TSHZ3: variants seen among roughly 807,000 people sequenced by gnomAD.
TSHZ3 encodes the protein teashirt zinc finger homeobox 3, also known as teashirt homolog 3.
Under a neutral mutation model 64.5 loss-of-function variants are expected in TSHZ3, and 10 were observed. The ratio of observed to expected loss-of-function variants is 0.16; its 90% confidence interval spans 0.10 to 0.26. The LOEUF (loss-of-function observed/expected upper bound fraction) is 0.26, where lower values mean the gene tolerates loss of function less well. Among genes scored for constraint, TSHZ3 ranks in the 10% least tolerant of loss-of-function variants. The pLI, the probability that TSHZ3 is intolerant of heterozygous loss-of-function variation, is 1.00. For missense variants in TSHZ3, 1,242 were observed against 1,421.7 expected (o/e 0.87, Z 2.03); for synonymous variants, 608 against 593.1 (o/e 1.03, Z -0.36).
intron 1 of TSHZ3, among the ~76,000 whole-genome samples, chr19:31,333,909 T>C (rs1301315020): frequency 1.3e-5 from 2 of 152,196 alleles, no homozygotes; most frequent in Non-Finnish European, 2.9e-5. Flanking sequence ...ATGTTTTCCT[T>C]GCAGAAATGT....
At chr19:31,153,484 G>C (rs1974266422) in intron 6 of TSHZ3, among the ~76,000 whole-genome samples, 1 of 152,226 alleles carries the variant, frequency 6.6e-6, no homozygotes, top group African/African-American at 2.4e-5. Flanking sequence ...ATCAGATGGT[G>C]ATGTCTGATT....
chr19:31,246,339 A>G lies in TSHZ3; in HGVS notation n.64-3464T>C, dbSNP rs569887146. 1.2e-4 allele frequency among the ~76,000 whole-genome samples: 18 copies of G among 152,356 alleles called. 1 individual carries two copies. The South Asian group carries it at 3.7e-3, about 32-fold the overall frequency. On this transcript the variant is annotated intron_variant and non_coding_transcript_variant, in intron 1 of 6. Transcript: ENST00000651361. ...ACAATCTTTCTTACCTGTATTTAAA[A>G]TCATTTTTAAAAAGAATGTGTTCAT...
chr19:31,265,433 GA>G (rs1008821423), intron 1 of TSHZ3, among the ~76,000 whole-genome samples: 4 of 128,810 alleles, frequency 3.1e-5, no homozygotes, highest in African/African-American at 8.6e-5. Context: ...AAGAAAGAAA[GA>G]AAAAGAAAAG....
chr19:31,323,997 G>A (rs980397582), intron 1 of TSHZ3, among the ~76,000 whole-genome samples: 1 of 151,944 alleles, frequency 6.6e-6, no homozygotes, highest in African/African-American at 2.4e-5. Flanking sequence ...CGAGGGCTCA[G>A]GGATCAGAAG....
chr19:31,253,312 A>G (rs1568360341), intron 1 of TSHZ3, among the ~76,000 whole-genome samples: 1 of 152,212 alleles, frequency 6.6e-6, no homozygotes, highest in Non-Finnish European at 1.5e-5. Flanking sequence ...GACTTTTCAG[A>G]GAAAAATGCA....
chr19:31,300,205 G>C (rs544290798), intron 1 of TSHZ3, among the ~76,000 whole-genome samples: 4 of 152,194 alleles, frequency 2.6e-5, no homozygotes, highest in Non-Finnish European at 4.4e-5. Flanking sequence ...CAGAGCTACA[G>C]GTAAATGTTC....
At chr19:31,155,829 C>A (rs899553403) in intron 6 of TSHZ3, among the ~76,000 whole-genome samples, 1 of 152,168 alleles carries the variant, frequency 6.6e-6, no homozygotes, top group African/African-American at 2.4e-5. Flanking sequence ...TCCAGGACAC[C>A]GATCTAATGG....
intron 1 of TSHZ3, among the ~76,000 whole-genome samples, chr19:31,345,228 C>T (rs541687967): frequency 6.6e-6 from 1 of 152,318 alleles, no homozygotes; most frequent in African/African-American, 2.4e-5. Flanking sequence ...CAAAACCAGT[C>T]GCTCTGCCAC....
In TSHZ3 at chr19:31,349,287, G is replaced by C; in HGVS notation, c.-68C>G. ...GCCGGGCTGAGGACAGGGAGGGAGG[G>C]GGCGGCGGGCCCGCGGGGGGGCGAG... On this transcript the variant is annotated 5_prime_UTR_variant, in exon 1 of 2. Transcript: ENST00000240587. 6.9e-7 allele frequency: 1 copy of C among 1,457,662 alleles called. No homozygotes were observed. Among genetic ancestry groups the C allele is most frequent in the South Asian group, 1.3e-5 (1 of 75,106 alleles). The allele number at this position is 1,457,662 out of a possible 1,614,324, so 90.3% of individuals were successfully genotyped here. A position where few individuals can be genotyped will look rare whatever the true frequency, so the allele number is the denominator to read the frequency against.
chr19:31,184,108 T>C (rs760769494), intron 5 of TSHZ3, among the ~76,000 whole-genome samples: 4 of 152,150 alleles, frequency 2.6e-5, no homozygotes, highest in Non-Finnish European at 4.4e-5. Flanking sequence ...TTTATGAATA[T>C]GTAAAAGGGT....
In TSHZ3 at chr19:31,276,819, T is replaced by C. The variant is rs1976244128; in HGVS notation, c.2974A>G (p.Ile992Val). The change falls in exon 2 of 2, where the codon ATC (isoleucine) becomes GTC (valine). Residue 992 changes from isoleucine (I) to valine (V), a missense_variant. Physicochemically the swap from Ile to Val is conservative, Grantham distance 29. Around this residue, in one of 4 missense-constraint regions of TSHZ3, gnomAD observed 126 missense variants for 140.6 expected, o/e 0.90. Transcript: ENST00000240587. Reference sequence around the variant, plus strand: ...CCTAAGTGTGACTCTAGGTGACTGATGTACGTGGAAGGAGTCCTGATTTGG... The same window carrying C: ...CCTAAGTGTGACTCTAGGTGACTGACGTACGTGGAAGGAGTCCTGATTTGG... ...ASQIRTPSTY[I>V]SHLESHLGFR... The C allele has an allele frequency of 6.2e-7, 1 of 1,614,200 alleles. No homozygotes were observed. The highest frequency in any genetic ancestry group is 2.2e-5 in the East Asian group (1 of 44,876).
At chr19:31,258,328 G>A (rs1016388137) in intron 1 of TSHZ3, among the ~76,000 whole-genome samples, 1 of 152,144 alleles carries the variant, frequency 6.6e-6, no homozygotes, top group African/African-American at 2.4e-5. Flanking sequence ...CAGCTGTTCT[G>A]TCCAGTAAAG....
intron 1 of TSHZ3, among the ~76,000 whole-genome samples, chr19:31,317,132 CATCCGTCAACAAA>C (rs1916624789): frequency 6.6e-6 from 1 of 152,106 alleles, no homozygotes. Flanking sequence ...GGATTTTTTT[CATCCGTCAACAAA>C]ATCCAACGGG....
rs1396623339 is a variant in TSHZ3, at chr19:31,275,780, A to G, written c.*767T>C. On this transcript the variant is annotated 3_prime_UTR_variant, in exon 2 of 2. Transcript: ENST00000240587. ...GTATAATTTACAATGTTTGCATGTA[A>G]AAAACAAAACCCATAGACCTTAAAA... The G allele has an allele frequency of 1.3e-5, 2 of 152,636 alleles. No individual in the cohort carries two copies. Among genetic ancestry groups the G allele is most frequent in the Non-Finnish European group, 2.9e-5 (2 of 68,036 alleles). 9.5% of individuals were successfully genotyped at this position (152,636 alleles called of 1,614,324 possible).
chr19:31,224,401 T>G (rs1445419924), intron 4 of TSHZ3, among the ~76,000 whole-genome samples: 1 of 152,228 alleles, frequency 6.6e-6, no homozygotes, highest in Admixed American at 6.5e-5. Flanking sequence ...CTCTCTGTGC[T>G]AAGATATCTG....
At chr19:31,294,860 A>G (rs1471566924) in intron 1 of TSHZ3, among the ~76,000 whole-genome samples, 1 of 152,222 alleles carries the variant, frequency 6.6e-6, no homozygotes, top group African/African-American at 2.4e-5. Context: ...GAGAGAAAAG[A>G]AACAATATAA....
intron 5 of TSHZ3, among the ~76,000 whole-genome samples, chr19:31,179,407 A>G (rs1233233574): frequency 1.3e-5 from 2 of 152,256 alleles, no homozygotes; most frequent in African/African-American, 2.4e-5. Flanking sequence ...AGTGCTCCCA[A>G]TTAGCCATTC....
intron 5 of TSHZ3, among the ~76,000 whole-genome samples, chr19:31,200,486 C>T (rs1172903327): frequency 2.6e-5 from 3 of 116,502 alleles, no homozygotes; most frequent in African/African-American, 1.1e-4. Context: ...GATAAGGCTA[C>T]CTACTGTGTA....
At chr19:31,155,367 G>T (rs1303560897) in intron 6 of TSHZ3, among the ~76,000 whole-genome samples, 2 of 152,212 alleles carry the variant, frequency 1.3e-5, no homozygotes, top group South Asian at 2.1e-4. Flanking sequence ...CAGCATTTTT[G>T]AAACAAAGGC....
Sources: gnomAD v4.1 joint callset for allele counts (sites outside exome capture counted in the v4.1 genomes callset) on GRCh38, gnomAD v4.1.1 for gene constraint, gnomAD v4.1.1 regional missense constraint, MANE v1.5 for transcripts, NCBI Gene and HGNC (gene_info 2026-07-23, HGNC 2026-07-21) for gene names.